The following EPHA4 variants were observed in gnomAD, a reference collection of about 807,000 sequenced individuals.
The protein encoded by EPHA4 is ephrin type-A receptor 4.
In EPHA4, 19 loss-of-function variants were observed where a neutral mutation model predicts 108.3. The ratio of observed to expected loss-of-function variants is 0.18; its 90% CI spans 0.12 to 0.26. The LOEUF (loss-of-function observed/expected upper bound fraction) is 0.26. EPHA4 is among the 10% of genes least tolerant of loss of function. The pLI, the probability that EPHA4 is intolerant of heterozygous loss-of-function variation, is 1.00. For missense variants in EPHA4, 917 were observed against 1,254.0 expected, an observed-to-expected ratio of 0.73 and a Z score of 4.06; for synonymous variants, 449 against 455.5, an observed-to-expected ratio of 0.99 and a Z score of 0.18.
chr2:221,546,692 A>T (rs922689888), intron 3 of EPHA4, among the ~76,000 whole-genome samples: 2 of 152,170 alleles, frequency 1.3e-5, no homozygotes, highest in Non-Finnish European at 1.5e-5. Flanking sequence ...TCAGTGACTC[A>T]AACTGTTCTA....
intron 5 of EPHA4, among the ~76,000 whole-genome samples, chr2:221,468,971 TAAAGAA>T (rs1379424596): frequency 6.6e-6 from 1 of 152,208 alleles, no homozygotes; most frequent in African/African-American, 2.4e-5. Context: ...TCTGTGAAGT[TAAAGAA>T]AAAGTCAGTG....
chr2:221,450,434 A>G (rs1193558263), intron 8 of EPHA4, among the ~76,000 whole-genome samples: 1 of 152,214 alleles, frequency 6.6e-6, no homozygotes, highest in Non-Finnish European at 1.5e-5. Context: ...AATCTTACCA[A>G]CATCACTAGC....
chr2:221,477,940 T>C (rs78291325), intron 5 of EPHA4, among the ~76,000 whole-genome samples: 1,663 of 152,278 alleles, frequency 0.011, 13 homozygotes, highest in South Asian at 0.042. Flanking sequence ...TAGGACACCA[T>C]AGCTGTGCTA....
intron 5 of EPHA4, among the ~76,000 whole-genome samples, chr2:221,470,022 C>G (rs185480642): frequency 6.6e-6 from 1 of 152,142 alleles, no homozygotes; most frequent in Non-Finnish European, 1.5e-5. Flanking sequence ...TTTTTAGCAA[C>G]TTCTATTTCT....
chr2:221,439,330 CA>C (rs56154778), intron 11 of EPHA4, among the ~76,000 whole-genome samples: 24,403 of 129,260 alleles, frequency 0.19, 2,821 homozygotes, highest in East Asian at 0.36. Context: ...GTTTTCTACT[CA>C]AAAAAAAAAA....
chr2:221,505,996 T>C (rs1483239871), intron 3 of EPHA4, among the ~76,000 whole-genome samples: 2 of 152,180 alleles, frequency 1.3e-5, no homozygotes, highest in African/African-American at 4.8e-5. Context: ...CACCTTAATA[T>C]AGAGTCGCTT....
chr2:221,470,219 C>A (rs1691438033), intron 5 of EPHA4, among the ~76,000 whole-genome samples: 1 of 151,796 alleles, frequency 6.6e-6, no homozygotes, highest in Non-Finnish European at 1.5e-5. Flanking sequence ...GGAATTTTTC[C>A]AAGTCCAAGT....
At chr2:221,485,123 CT>C (rs1691941133) in intron 4 of EPHA4, among the ~76,000 whole-genome samples, 1 of 152,178 alleles carries the variant, frequency 6.6e-6, no homozygotes, top group African/African-American at 2.4e-5. Context: ...TCCTGGTCCA[CT>C]TTCACATGGG....
At chr2:221,492,747 A>C (rs1302587707) in intron 4 of EPHA4, among the ~76,000 whole-genome samples, 2 of 152,234 alleles carry the variant, frequency 1.3e-5, no homozygotes, top group African/African-American at 2.4e-5. Flanking sequence ...CAGTTTGTAC[A>C]GTCCATGGGA....
rs542947547 is a variant in EPHA4, at chr2:221,427,247, T to C, written c.2691-628A>G. ...GCTGGCAGAAGAACGGCCACTTTGA[T>C]CACTGTTTGGATTGTGGAATGTGCT... On this transcript the variant is annotated intron_variant, in intron 15 of 17. Coordinates refer to ENST00000281821, the MANE Select transcript of EPHA4 (RefSeq NM_004438.5). Among the ~76,000 whole-genome samples the C allele has an allele frequency of 2.6e-5, 4 of 152,332 alleles. No individual in the cohort carries two copies. In the East Asian group the frequency reaches 7.7e-4, roughly 29 times the overall value.
At chr2:221,459,056 C>T (rs1471970081) in intron 5 of EPHA4, among the ~76,000 whole-genome samples, 2 of 152,156 alleles carry the variant, frequency 1.3e-5, no homozygotes, top group Non-Finnish European at 2.9e-5. Context: ...ATGCCAACCC[C>T]TAACTCCAAG....
rs769632541 is a variant in EPHA4 at position 221,566,854 on chromosome 2, G to GAGAAGAAGAAGAAGA, written c.159+1849_159+1863dup. Among the ~76,000 whole-genome samples the GAGAAGAAGAAGAAGA allele has an allele frequency of 9.4e-5, 5 of 53,282 alleles. 1 individual carries two copies. In the Admixed American group the frequency reaches 1.2e-3, roughly 13 times the overall value. 35.0% of individuals were successfully genotyped at this position (53,282 alleles called of 152,430 possible). On this transcript the variant is annotated intron_variant, in intron 2 of 17. Coordinates refer to ENST00000281821, the MANE Select transcript of EPHA4 (RefSeq NM_004438.5). ...GAAGGAGAAGAAGGAGAAGGAGAAG[G>GAGAAGAAGAAGAAGA]AGAAGAAGAAGAAGAAGAAGAAGGA...
intron 15 of EPHA4, among the ~76,000 whole-genome samples, chr2:221,427,896 ATTTGT>A (rs1335169001): frequency 2.0e-5 from 3 of 152,140 alleles, no homozygotes; most frequent in Non-Finnish European, 4.4e-5. Flanking sequence ...TTTAACAAAG[ATTTGT>A]TTTATCAGTC....
intron 17 of EPHA4, among the ~76,000 whole-genome samples, chr2:221,421,249 G>C (rs572110037): frequency 1.3e-5 from 2 of 151,690 alleles, no homozygotes; most frequent in African/African-American, 2.4e-5. Context: ...GCAGTGAGCC[G>C]AGACAGCGCC....
intron 3 of EPHA4, among the ~76,000 whole-genome samples, chr2:221,561,199 G>A (rs541837233): frequency 1.3e-4 from 19 of 151,946 alleles, no homozygotes; most frequent in Admixed American, 5.9e-4. Context: ...CCAAGATCGC[G>A]CCACTGCACT....
At chr2:221,520,543 C>G (rs62180592) in intron 3 of EPHA4, among the ~76,000 whole-genome samples, 4,036 of 26,882 alleles carry the variant, frequency 0.15, 74 homozygotes, top group Non-Finnish European at 0.19. Context: ...CACACACACA[C>G]AGAGAGAGAG....
At chr2:221,562,775 C>T (rs536132973) in intron 3 of EPHA4, among the ~76,000 whole-genome samples, 4 of 152,228 alleles carry the variant, frequency 2.6e-5, no homozygotes, top group African/African-American at 9.6e-5. Flanking sequence ...ACATGACAAA[C>T]AATCTGTATA....
At chr2:221,469,097 A>G (rs1385755692) in intron 5 of EPHA4, among the ~76,000 whole-genome samples, 1 of 152,214 alleles carries the variant, frequency 6.6e-6, no homozygotes, top group Non-Finnish European at 1.5e-5. Context: ...ATTAGAGTGA[A>G]TGAATGAAGT....
At chr2:221,515,255 A>G (rs1692957579) in intron 3 of EPHA4, among the ~76,000 whole-genome samples, 1 of 151,904 alleles carries the variant, frequency 6.6e-6, no homozygotes, top group Non-Finnish European at 1.5e-5. Context: ...GCCACCATGC[A>G]TGGCTAATTT....
Sources: allele counts gnomAD v4.1 joint callset (sites outside exome capture counted in the v4.1 genomes callset), GRCh38; gene constraint gnomAD v4.1.1; transcripts MANE v1.5; gene names NCBI Gene and HGNC (gene_info 2026-07-23, HGNC 2026-07-21).